The following FLYWCH1 variants were observed in gnomAD, a reference collection of about 807,000 sequenced individuals.
The protein encoded by FLYWCH1 is FLYWCH-type zinc finger-containing protein 1.
Under a neutral mutation model 66.4 loss-of-function variants are expected in FLYWCH1, and 75 were observed. The observed-to-expected ratio is 1.13, with a 90% CI of 0.94 to 1.37. The LOEUF is 1.37. Ranked by LOEUF, FLYWCH1 falls within the 40% of genes most tolerant of loss-of-function variation. The pLI is 0.00. For synonymous variants in FLYWCH1, 595 were observed against 429.9 expected, an observed-to-expected ratio of 1.38 and a Z score of -4.75; for missense variants, 1,334 against 1,001.8, an observed-to-expected ratio of 1.33 and a Z score of -4.48.
At chr16:2,919,938 G>C (rs1366098438) in intron 2 of FLYWCH1, among the ~76,000 whole-genome samples, 1 of 152,110 alleles carries the variant, frequency 6.6e-6, no homozygotes, top group Admixed American at 6.5e-5. Context: ...CCTTTGGAAA[G>C]ACTCCAGGTG....
At chr16:2,921,024 G>A (rs2070355344) in intron 2 of FLYWCH1, among the ~76,000 whole-genome samples, 1 of 151,732 alleles carries the variant, frequency 6.6e-6, no homozygotes, top group Non-Finnish European at 1.5e-5. Flanking sequence ...TGTGTTTTTA[G>A]TAGAGACGGG....
chr16:2,938,464 C>A lies in FLYWCH1; in HGVS notation c.2050+8C>A. 1 of 1,517,980 alleles carries A rather than the reference C, an allele frequency of 6.6e-7. No homozygotes were observed. Among genetic ancestry groups the A allele is most frequent in the Non-Finnish European group, 8.8e-7 (1 of 1,135,126 alleles). The allele number at this position is 1,517,980 out of a possible 1,614,324, so 94.0% of individuals were successfully genotyped here. A position where few individuals can be genotyped will look rare whatever the true frequency, so the allele number is the denominator to read the frequency against. On this transcript the variant is annotated splice_region_variant and intron_variant, in intron 8 of 9. Coordinates refer to ENST00000253928, the MANE Select transcript of FLYWCH1 (RefSeq NM_001308068.2). ...CCCAGCAGGAGGACCCAGGTACAGGCAGGCTGTGGGGCAGAGGCAGGGCTG... is the reference window on the plus strand; with the variant it reads ...CCCAGCAGGAGGACCCAGGTACAGGAAGGCTGTGGGGCAGAGGCAGGGCTG...
chr16:2,925,585 G>GC (rs1204724362), intron 2 of FLYWCH1, among the ~76,000 whole-genome samples: 1 of 140,476 alleles, frequency 7.1e-6, no homozygotes, highest in East Asian at 2.4e-4. Flanking sequence ...GGGGGGAGGG[G>GC]GGTACGGGGC....
chr16:2,923,693 A>G (rs2070457380), intron 2 of FLYWCH1, among the ~76,000 whole-genome samples: 1 of 152,218 alleles, frequency 6.6e-6, no homozygotes, highest in South Asian at 2.1e-4. Context: ...GAGCTCACAC[A>G]TAGTTTTATG....
At chr16:2,934,461 G>C (rs1206709824) in intron 6 of FLYWCH1, among the ~76,000 whole-genome samples, 1 of 152,194 alleles carries the variant, frequency 6.6e-6, no homozygotes, top group East Asian at 1.9e-4. Flanking sequence ...GAGGGTCCCG[G>C]CTGTCTCCAT....
At chr16:2,926,381 C>T (rs1019336623) in intron 2 of FLYWCH1, among the ~76,000 whole-genome samples, 1 of 152,160 alleles carries the variant, frequency 6.6e-6, no homozygotes, top group Non-Finnish European at 1.5e-5. Flanking sequence ...GAGAAGATAG[C>T]GTTTCAGTTT....
At chr16:2,944,306 C>T (rs1478949175) in intron 9 of FLYWCH1, among the ~76,000 whole-genome samples, 2 of 150,536 alleles carry the variant, frequency 1.3e-5, no homozygotes, top group Non-Finnish European at 3.0e-5. Context: ...AGGAGAATCG[C>T]TTGAAACTGG....
rs970537895 is a variant in FLYWCH1 at position 2,929,822 on chromosome 16, C to T, written c.137C>T (p.Thr46Ile). The change falls in exon 3 of 10, where the codon ACA (threonine) becomes ATA (isoleucine). Residue 46 changes from threonine to isoleucine, a missense_variant. Physicochemically the swap from Thr to Ile is moderately conservative, Grantham distance 89. Transcript: ENST00000253928. The part of the protein sequence containing the change: ...PREFSKLVLL[T>I]ASDQDEDGVG... Reference sequence around the variant, plus strand: ...GAGTTCTCCAAACTGGTGCTGCTCACAGCCTCCGACCAAGATGAGGATGGG... The same window carrying T: ...GAGTTCTCCAAACTGGTGCTGCTCATAGCCTCCGACCAAGATGAGGATGGG... 3 of 1,613,872 alleles carry T rather than the reference C, an allele frequency of 1.9e-6. No individual in the cohort carries two copies. The highest frequency in any genetic ancestry group is 1.3e-5 in the African/African-American group (1 of 74,938).
At position 2,938,224 on chromosome 16, in the gene FLYWCH1, G is replaced by A; in HGVS notation, c.1818G>A (p.Gly606=). The A allele has an allele frequency of 6.2e-7, 1 of 1,613,198 alleles. No homozygotes were observed. Among genetic ancestry groups the A allele is most frequent in the Non-Finnish European group, 8.5e-7 (1 of 1,179,646 alleles). ...TGGAGTTCCTGAGGACTTCCCTGGG[G>A]GGCAGGTTCCTGGTGCACGAGTCCT... is the stretch of plus-strand genomic sequence containing the variant. ...RPLEFLRTSL[G]GRFLVHESFL... Residue 606 remains glycine (G), a synonymous_variant, in exon 8 of 10, where the codon GGG becomes GGA. Transcript: ENST00000253928.
chr16:2,929,458 C>G (rs995328400), intron 2 of FLYWCH1, among the ~76,000 whole-genome samples, 155 bp from the exon 3 acceptor site: 24 of 152,132 alleles, frequency 1.6e-4, no homozygotes, highest in African/African-American at 5.3e-4. Context: ...AGGAGAGGAA[C>G]TGGCAGAGCA....
At chr16:2,937,428 G>A (rs1200495202) in intron 7 of FLYWCH1, 44 bp downstream of exon 7, 2 of 1,492,066 alleles carry the variant, frequency 1.3e-6, no homozygotes, top group East Asian at 2.3e-5. Context: ...GGTCTCCCAG[G>A]ACCTGTGCCC....
intron 2 of FLYWCH1, among the ~76,000 whole-genome samples, chr16:2,919,657 G>A (rs1191531804): frequency 6.6e-6 from 1 of 152,180 alleles, no homozygotes; most frequent in Non-Finnish European, 1.5e-5. Flanking sequence ...AACCTCCCAA[G>A]TGGCTGGGAC....
Position 2,948,758 on chromosome 16 carries a change from C to G in FLYWCH1, c.*31C>G. Reference sequence around the variant, plus strand: ...TGTGGGCAGAGGAGCTCCGAGCCGCCCACCCAAGGTGGCTTCACATCCACA... The same window carrying G: ...TGTGGGCAGAGGAGCTCCGAGCCGCGCACCCAAGGTGGCTTCACATCCACA... On this transcript the variant is annotated 3_prime_UTR_variant, in exon 10 of 10. Coordinates refer to ENST00000253928, the MANE Select transcript of FLYWCH1 (RefSeq NM_001308068.2). 1.9e-6 allele frequency: 3 copies of G among 1,612,746 alleles called. No homozygotes were observed. Among genetic ancestry groups the G allele is most frequent in the Non-Finnish European group, 2.5e-6 (3 of 1,178,900 alleles).
intron 2 of FLYWCH1, among the ~76,000 whole-genome samples, chr16:2,924,634 A>T (rs1409997278): frequency 6.6e-6 from 1 of 152,126 alleles, no homozygotes; most frequent in Non-Finnish European, 1.5e-5. Context: ...TGTGTACCCT[A>T]CGCTCCTGCC....
At chr16:2,934,899 CAG>C (rs1169573297) in intron 6 of FLYWCH1, 2 of 215,176 alleles carry the variant, frequency 9.3e-6, no homozygotes, top group African/African-American at 4.8e-5. Context: ...GTCAGCTACT[CAG>C]TGCACTTCTT....
intron 6 of FLYWCH1, chr16:2,936,368 C>T: frequency 2.2e-6 from 1 of 456,330 alleles, no homozygotes; most frequent in South Asian, 1.6e-5. Flanking sequence ...GTCCTCCTGC[C>T]TCCCGAGCCT....
In FLYWCH1 at chr16:2,948,682, A is replaced by C. The variant is rs2071584635; in HGVS notation, c.2112-6A>C. 6.2e-7 allele frequency: 1 copy of C among 1,613,252 alleles called. No individual in the cohort carries two copies. The highest frequency in any genetic ancestry group is 1.3e-5 in the African/African-American group (1 of 74,882). ...GTGCAATGAACATGTGTCTCTTTGT[A>C]ATTAGGGACATCAAAGACGTCAGAC... On this transcript the variant is annotated splice_polypyrimidine_tract_variant and splice_region_variant and intron_variant, in intron 9 of 9. Coordinates refer to ENST00000253928, the MANE Select transcript of FLYWCH1 (RefSeq NM_001308068.2).
At chr16:2,947,760 T>C (rs1218332743) in intron 9 of FLYWCH1, among the ~76,000 whole-genome samples, 1 of 77,832 alleles carries the variant, frequency 1.3e-5, no homozygotes, top group Non-Finnish European at 2.2e-5. Flanking sequence ...AAAACTCTTA[T>C]CTCAAAAAAA....
chr16:2,913,572 G>T (rs949781945), intron 1 of FLYWCH1, among the ~76,000 whole-genome samples: 7 of 152,168 alleles, frequency 4.6e-5, no homozygotes, highest in Admixed American at 6.5e-5. Flanking sequence ...AGAGACCGGG[G>T]TTGCTGCTGA....
Sources: gnomAD v4.1 joint callset for allele counts (sites outside exome capture counted in the v4.1 genomes callset) on GRCh38, gnomAD v4.1.1 for gene constraint, MANE v1.5 for transcripts, NCBI Gene and HGNC (gene_info 2026-07-23, HGNC 2026-07-21) for gene names.